EPB41L4A: variants seen among roughly 807,000 people sequenced by gnomAD.
The protein encoded by EPB41L4A is erythrocyte membrane protein band 4.1 like 4A, also known as band 4.1-like protein 4A.
A neutral mutation model predicts 108.6 loss-of-function variants in EPB41L4A; 100 were observed. The observed-to-expected ratio is 0.92, with a 90% CI of 0.78 to 1.09. The LOEUF (loss-of-function observed/expected upper bound fraction) is 1.09. EPB41L4A is among the 50% of genes least tolerant of loss of function. The pLI is 0.00. For synonymous variants in EPB41L4A, 319 were observed against 289.0 expected, an observed-to-expected ratio of 1.10 and a Z score of -1.05; for missense variants, 1,030 against 842.7, an observed-to-expected ratio of 1.22 and a Z score of -2.75.
chr5:112,207,762 C>A (rs1762540971), intron 13 of EPB41L4A, among the ~76,000 whole-genome samples: 1 of 151,872 alleles, frequency 6.6e-6, no homozygotes, highest in African/African-American at 2.4e-5. Context: ...ATTAAAAAGA[C>A]AAAAAATAAA....
intron 1 of EPB41L4A, among the ~76,000 whole-genome samples, chr5:112,378,001 A>G (rs1212244084): frequency 6.6e-6 from 1 of 152,226 alleles, no homozygotes; most frequent in African/African-American, 2.4e-5. Flanking sequence ...CTGAATGCAT[A>G]AACACCAGGT....
chr5:112,259,308 G>T lies in EPB41L4A; in HGVS notation c.732-16C>A. ...AATCCGAGGCCTAAAAAACAAAGCAGATGGTGTTGCTGCTGTTTTTAAGTA... is the reference window on the plus strand; with the variant it reads ...AATCCGAGGCCTAAAAAACAAAGCATATGGTGTTGCTGCTGTTTTTAAGTA... On this transcript the variant is annotated splice_polypyrimidine_tract_variant and intron_variant, in intron 8 of 22. Coordinates refer to ENST00000261486, the MANE Select transcript of EPB41L4A (RefSeq NM_022140.5). 3 of 1,610,144 alleles carry T rather than the reference G, an allele frequency of 1.9e-6. No homozygotes were observed. Among genetic ancestry groups the T allele is most frequent in the African/African-American group, 1.3e-5 (1 of 74,934 alleles).
At chr5:112,267,684 A>G (rs187004722) in intron 4 of EPB41L4A, among the ~76,000 whole-genome samples, 1 of 152,100 alleles carries the variant, frequency 6.6e-6, no homozygotes, top group Admixed American at 6.5e-5. Context: ...CCTCCTCCTA[A>G]CTGTTCTGCC....
chr5:112,341,183 A>G (rs1757292367), intron 1 of EPB41L4A, among the ~76,000 whole-genome samples: 1 of 152,182 alleles, frequency 6.6e-6, no homozygotes, highest in Non-Finnish European at 1.5e-5. Context: ...GGGACTTTTC[A>G]GTTCATTGCT....
At chr5:112,227,338 A>G (rs143325939) in intron 12 of EPB41L4A, among the ~76,000 whole-genome samples, 1 of 152,300 alleles carries the variant, frequency 6.6e-6, no homozygotes, top group East Asian at 1.9e-4. Context: ...TACAGCGAAT[A>G]TACCTCAGAC....
At chr5:112,244,632 C>G (rs895565064) in intron 9 of EPB41L4A, among the ~76,000 whole-genome samples, 1 of 152,146 alleles carries the variant, frequency 6.6e-6, no homozygotes, top group Non-Finnish European at 1.5e-5. Context: ...GCGGGGAAGG[C>G]TGGTCACCCT....
chr5:112,166,764 G>A (rs369518684), intron 22 of EPB41L4A, among the ~76,000 whole-genome samples: 1 of 152,190 alleles, frequency 6.6e-6, no homozygotes, highest in Non-Finnish European at 1.5e-5. Flanking sequence ...TTTGTGTCAC[G>A]TGTTACTGTT....
chr5:112,231,292 C>G (rs956708483), intron 12 of EPB41L4A, among the ~76,000 whole-genome samples: 3 of 152,010 alleles, frequency 2.0e-5, no homozygotes, highest in Admixed American at 2.0e-4. Context: ...AGTTGAAAAC[C>G]CATGATTGTA....
At chr5:112,278,605 T>A (rs1189156974) in intron 3 of EPB41L4A, among the ~76,000 whole-genome samples, 2 of 152,156 alleles carry the variant, frequency 1.3e-5, no homozygotes, top group African/African-American at 2.4e-5. Flanking sequence ...CATTATAGAC[T>A]GATACTTAAA....
chr5:112,191,367 CA>C (rs1761690948), intron 17 of EPB41L4A, among the ~76,000 whole-genome samples: 1 of 152,188 alleles, frequency 6.6e-6, no homozygotes, highest in South Asian at 2.1e-4. Context: ...TGGTTATTTA[CA>C]GTTATATTTT....
At chr5:112,338,391 C>T (rs1757057385) in intron 1 of EPB41L4A, among the ~76,000 whole-genome samples, 1 of 152,188 alleles carries the variant, frequency 6.6e-6, no homozygotes. Flanking sequence ...CTGTCTCAGA[C>T]TGCCTGCCCA....
At chr5:112,316,885 A>G (rs569869834) in intron 1 of EPB41L4A, among the ~76,000 whole-genome samples, 1 of 152,292 alleles carries the variant, frequency 6.6e-6, no homozygotes, top group East Asian at 1.9e-4. Context: ...GAATGGCTGG[A>G]AGCTGGCTGG....
At chr5:112,258,234 A>G (rs1187162880) in intron 9 of EPB41L4A, among the ~76,000 whole-genome samples, 1 of 152,238 alleles carries the variant, frequency 6.6e-6, no homozygotes, top group Non-Finnish European at 1.5e-5. Context: ...GTCTCAGTGC[A>G]TCAGCTCATT....
At chr5:112,230,394 AT>A (rs953155933) in intron 12 of EPB41L4A, among the ~76,000 whole-genome samples, 1 of 93,864 alleles carries the variant, frequency 1.1e-5, no homozygotes, top group Non-Finnish European at 3.0e-5. Flanking sequence ...AACATCTATT[AT>A]TTTTTTTATT....
intron 13 of EPB41L4A, chr5:112,205,911 C>T (rs1165386737): frequency 5.8e-6 from 1 of 171,216 alleles, no homozygotes; most frequent in Non-Finnish European, 1.2e-5. Context: ...GCCCTTACTC[C>T]AGGCACGGGT....
chr5:112,277,271 T>C (rs1752682298), intron 3 of EPB41L4A, among the ~76,000 whole-genome samples: 1 of 152,184 alleles, frequency 6.6e-6, no homozygotes, highest in Non-Finnish European at 1.5e-5. Context: ...GAGCTGCTTC[T>C]ATTCTTTGGA....
chr5:112,285,492 G>T (rs758331032), intron 2 of EPB41L4A, among the ~76,000 whole-genome samples: 1 of 152,140 alleles, frequency 6.6e-6, no homozygotes, highest in Non-Finnish European at 1.5e-5. Flanking sequence ...ACATCAAGAG[G>T]ACATGGCTTT....
At chr5:112,242,933 C>A (rs1749905925) in intron 9 of EPB41L4A, among the ~76,000 whole-genome samples, 1 of 152,044 alleles carries the variant, frequency 6.6e-6, no homozygotes, top group South Asian at 2.1e-4. Flanking sequence ...ACTAAGCCGG[C>A]CCAGGAGTGG....
intron 1 of EPB41L4A, among the ~76,000 whole-genome samples, chr5:112,418,734 A>G (rs1172255886): frequency 6.6e-6 from 1 of 151,886 alleles, no homozygotes; most frequent in East Asian, 1.9e-4. Context: ...GAAACGTCAA[A>G]CTCAACTTTG....
Sources: allele counts gnomAD v4.1 joint callset (sites outside exome capture counted in the v4.1 genomes callset), GRCh38; gene constraint gnomAD v4.1.1; transcripts MANE v1.5; gene names NCBI Gene and HGNC (gene_info 2026-07-23, HGNC 2026-07-21).